MCTP1: variants seen among roughly 807,000 people sequenced by gnomAD.
MCTP1 encodes the protein multiple C2 and transmembrane domain-containing protein 1.
Under a neutral mutation model 120.6 loss-of-function variants are expected in MCTP1, and 69 were observed. That is an observed-to-expected ratio of 0.57 (90% CI 0.47 to 0.70). MCTP1 has a LOEUF of 0.70. Among genes scored for constraint, MCTP1 ranks in the 30% least tolerant of loss-of-function variants. The pLI is 0.00. For synonymous variants in MCTP1, 529 were observed against 493.1 expected (o/e 1.07, Z -0.96); for missense variants, 1,203 against 1,248.8 (o/e 0.96, Z 0.55).
chr5:95,116,112 A>G (rs911334949), intron 1 of MCTP1, among the ~76,000 whole-genome samples: 1 of 152,204 alleles, frequency 6.6e-6, no homozygotes, highest in Non-Finnish European at 1.5e-5. Flanking sequence ...ATAAAAGCTG[A>G]GAGATTTCAT....
chr5:94,870,567 G>T, intron 15 of MCTP1, 76 bp from the exon 16 acceptor site: 1 of 1,111,026 alleles, frequency 9.0e-7, no homozygotes, highest in Non-Finnish European at 1.4e-6. Context: ...AGTTCAATTT[G>T]CAATAATTTC....
chr5:94,801,351 A>G (rs1012561130), intron 17 of MCTP1, among the ~76,000 whole-genome samples: 1 of 152,242 alleles, frequency 6.6e-6, no homozygotes, highest in African/African-American at 2.4e-5. Context: ...CAAAAGTTCT[A>G]TAGATCTACT....
intron 17 of MCTP1, among the ~76,000 whole-genome samples, chr5:94,838,997 C>A (rs1790418311): frequency 6.6e-6 from 1 of 152,122 alleles, no homozygotes; most frequent in Non-Finnish European, 1.5e-5. Context: ...CTATTAGTCC[C>A]AGAATATTTA....
At chr5:95,252,826 C>G (rs1425240446) in intron 1 of MCTP1, among the ~76,000 whole-genome samples, 1 of 152,028 alleles carries the variant, frequency 6.6e-6, no homozygotes, top group Non-Finnish European at 1.5e-5. Flanking sequence ...AAAAAAGTAT[C>G]TAGATAGGGC....
intron 1 of MCTP1, among the ~76,000 whole-genome samples, chr5:95,250,118 G>T (rs965639369): frequency 1.3e-5 from 2 of 152,032 alleles, no homozygotes; most frequent in Non-Finnish European, 2.9e-5. Flanking sequence ...TAACAAACCT[G>T]CACGTTGTGC....
At chr5:94,970,627 G>T (rs1039434841) in intron 2 of MCTP1, among the ~76,000 whole-genome samples, 3 of 151,982 alleles carry the variant, frequency 2.0e-5, no homozygotes, top group Admixed American at 2.0e-4. Flanking sequence ...AATTGACTCA[G>T]TGACTCAGTA....
intron 1 of MCTP1, among the ~76,000 whole-genome samples, chr5:95,265,085 ACATCT>A (rs1758777205): frequency 6.6e-6 from 1 of 152,092 alleles, no homozygotes; most frequent in South Asian, 2.1e-4. Flanking sequence ...ATCCTATTAG[ACATCT>A]CCGTTCCTAC....
chr5:95,016,892 C>G (rs953534652), intron 2 of MCTP1, among the ~76,000 whole-genome samples: 3 of 152,080 alleles, frequency 2.0e-5, no homozygotes, highest in Non-Finnish European at 4.4e-5. Flanking sequence ...CACCATGAGA[C>G]TACTGCCAGA....
chr5:95,031,966 T>C lies in MCTP1; in HGVS notation c.721-14482A>G, dbSNP rs76886236. 5.5e-3 allele frequency among the ~76,000 whole-genome samples: 831 copies of C among 152,014 alleles called. 8 individuals carry two copies. Among genetic ancestry groups the C allele is most frequent in the African/African-American group, 0.019 (779 of 41,488 alleles). On this transcript the variant is annotated intron_variant, in intron 1 of 22. Coordinates refer to ENST00000515393, the MANE Select transcript of MCTP1 (RefSeq NM_024717.7). ...ATTCTTGTATCAGATAAAACAGAGT[T>C]TAAATCAACAACAGTAAAAAGGACA...
chr5:94,930,399 T>C (rs1304597009), intron 6 of MCTP1, among the ~76,000 whole-genome samples: 1 of 149,116 alleles, frequency 6.7e-6, no homozygotes, highest in African/African-American at 2.5e-5. Flanking sequence ...TCAGCCTCCC[T>C]AGCAGCTGGG....
At position 95,006,883 on chromosome 5, in the gene MCTP1, T is replaced by A. The variant is rs866337649; in HGVS notation, c.838+10484A>T. Among the ~76,000 whole-genome samples, 20 of 152,292 alleles carry A rather than the reference T, an allele frequency of 1.3e-4. No homozygotes were observed. The South Asian group carries it at 4.1e-3, about 32-fold the overall frequency. On this transcript the variant is annotated intron_variant, in intron 2 of 22. Coordinates refer to ENST00000515393, the MANE Select transcript of MCTP1 (RefSeq NM_024717.7). Reference sequence around the variant, plus strand: ...CTTTTGAGAGTAAAATGGGGTACTATTAACAATTATGTCAGTCAACAGGTA... The same window carrying A: ...CTTTTGAGAGTAAAATGGGGTACTAATAACAATTATGTCAGTCAACAGGTA...
chr5:94,824,597 T>C (rs1409340957), intron 17 of MCTP1, among the ~76,000 whole-genome samples: 1 of 152,208 alleles, frequency 6.6e-6, no homozygotes, highest in African/African-American at 2.4e-5. Context: ...CTTGGAATAG[T>C]TTCAGAAGGA....
intron 18 of MCTP1, among the ~76,000 whole-genome samples, chr5:94,790,818 T>C (rs1289055591): frequency 2.0e-5 from 3 of 152,096 alleles, no homozygotes; most frequent in Non-Finnish European, 4.4e-5. Flanking sequence ...CTGTATAAAA[T>C]GTTAAAGGCT....
At chr5:95,024,397 C>T (rs908591451) in intron 1 of MCTP1, among the ~76,000 whole-genome samples, 5 of 152,170 alleles carry the variant, frequency 3.3e-5, no homozygotes, top group African/African-American at 1.2e-4. Flanking sequence ...AAGCATTTGA[C>T]AAAATTCAAC....
intron 1 of MCTP1, among the ~76,000 whole-genome samples, chr5:95,050,218 A>G (rs968013063): frequency 1.3e-5 from 2 of 152,210 alleles, no homozygotes; most frequent in Non-Finnish European, 2.9e-5. Flanking sequence ...AAATTAAACC[A>G]CAGAATATCC....
chr5:95,218,227 G>A (rs1007636895), intron 1 of MCTP1, among the ~76,000 whole-genome samples: 2 of 152,218 alleles, frequency 1.3e-5, no homozygotes, highest in African/African-American at 4.8e-5. Flanking sequence ...GTAGATGCAT[G>A]ATACAATAGG....
At chr5:94,867,465 C>CTAAATTATAAATGT in intron 17 of MCTP1, 1 of 853,554 alleles carries the variant, frequency 1.2e-6, no homozygotes, top group South Asian at 1.4e-5. Flanking sequence ...TGATTTGTTA[C>CTAAATTATAAATGT]TATAATTAAG....
At chr5:95,252,250 A>C (rs1757452480) in intron 1 of MCTP1, among the ~76,000 whole-genome samples, 1 of 152,108 alleles carries the variant, frequency 6.6e-6, no homozygotes, top group South Asian at 2.1e-4. Context: ...AGGAAAAATT[A>C]ACTTCTCCTA....
rs1426179506 is a variant in MCTP1, at chr5:94,954,042, A to G, written c.839-681T>C. 1.3e-4 allele frequency among the ~76,000 whole-genome samples: 12 copies of G among 91,040 alleles called. 1 individual carries two copies. The highest frequency in any genetic ancestry group is 5.7e-4 in the African/African-American group (11 of 19,348). 59.7% of individuals were successfully genotyped at this position (91,040 alleles called of 152,430 possible). ...TATATGCATATATATACAAATATAT[A>G]TATGCATATATATACAAATATATAT... On this transcript the variant is annotated intron_variant, in intron 2 of 22. Coordinates refer to ENST00000515393, the MANE Select transcript of MCTP1 (RefSeq NM_024717.7).
Sources: gnomAD v4.1 joint callset for allele counts (sites outside exome capture counted in the v4.1 genomes callset) on GRCh38, gnomAD v4.1.1 for gene constraint, MANE v1.5 for transcripts, NCBI Gene and HGNC (gene_info 2026-07-23, HGNC 2026-07-21) for gene names.